EFCAB6: variants seen among roughly 807,000 people sequenced by gnomAD.
EFCAB6 encodes EF-hand calcium binding domain 6, also known as EF-hand calcium-binding domain-containing protein 6.
Under a neutral mutation model 169.8 loss-of-function variants are expected in EFCAB6, and 156 were observed. The ratio of observed to expected loss-of-function variants is 0.92; its 90% CI spans 0.81 to 1.05. EFCAB6 has a LOEUF of 1.05. Among genes scored for constraint, EFCAB6 ranks in the 50% least tolerant of loss-of-function variants. The probability of loss-of-function intolerance (pLI) is 0.00; values close to 1 mark genes in which losing one functional copy is unlikely to be tolerated. For synonymous variants in EFCAB6, 698 were observed against 676.4 expected (o/e 1.03, Z -0.50); for missense variants, 1,800 against 1,829.1 (o/e 0.98, Z 0.29).
In EFCAB6 at chr22:43,636,341, G is replaced by A. The variant is rs535364016; in HGVS notation, c.1984-1125C>T. Among the ~76,000 whole-genome samples, 18 of 152,276 alleles carry A rather than the reference G, an allele frequency of 1.2e-4. 1 individual carries two copies. Among genetic ancestry groups the A allele is most frequent in the African/African-American group, 3.4e-4 (14 of 41,562 alleles). On this transcript the variant is annotated intron_variant, in intron 17 of 31. Coordinates refer to ENST00000262726, the MANE Select transcript of EFCAB6 (RefSeq NM_022785.4). Reference sequence around the variant, plus strand: ...CGGAAGAGGCGGCTGGGGAGGGAACGGAGGGACCAGGTAAGGCCGTGCTGC... The same window carrying A: ...CGGAAGAGGCGGCTGGGGAGGGAACAGAGGGACCAGGTAAGGCCGTGCTGC...
At chr22:43,547,590 A>G (rs546660366) in intron 27 of EFCAB6, among the ~76,000 whole-genome samples, 1 of 151,904 alleles carries the variant, frequency 6.6e-6, no homozygotes, top group South Asian at 2.1e-4. Context: ...AAACCAACCA[A>G]TCAACCAACC....
At chr22:43,812,141 G>A (rs1443584957) in intron 1 of EFCAB6, 27 bp downstream of exon 1, 2 of 147,316 alleles carry the variant, frequency 1.4e-5, no homozygotes, top group Admixed American at 6.7e-5. Context: ...TGTCGCACGC[G>A]CGTGGCCACC....
chr22:43,735,259 G>A (rs1037872675), intron 7 of EFCAB6, among the ~76,000 whole-genome samples: 1 of 151,998 alleles, frequency 6.6e-6, no homozygotes, highest in African/African-American at 2.4e-5. Flanking sequence ...TGGTGGTGGC[G>A]TTCAAACACC....
At chr22:43,573,318 C>T (rs569988661) in intron 26 of EFCAB6, among the ~76,000 whole-genome samples, 129 of 152,120 alleles carry the variant, frequency 8.5e-4, no homozygotes, top group Middle Eastern at 6.8e-3. Flanking sequence ...GCATATGTTA[C>T]ACTTTGATAC....
intron 18 of EFCAB6, among the ~76,000 whole-genome samples, chr22:43,634,896 C>G (rs2055265166): frequency 1.3e-5 from 2 of 152,202 alleles, no homozygotes; most frequent in South Asian, 4.1e-4. Context: ...GTAGAAGACT[C>G]TTTCAGGCAA....
intron 26 of EFCAB6, among the ~76,000 whole-genome samples, chr22:43,560,898 C>T (rs2048986854): frequency 3.3e-5 from 5 of 152,246 alleles, no homozygotes; most frequent in Middle Eastern, 3.4e-3. Flanking sequence ...AGGCAGGGGA[C>T]GGACACAGGT....
intron 26 of EFCAB6, among the ~76,000 whole-genome samples, chr22:43,561,312 G>A (rs1207341174): frequency 3.3e-5 from 5 of 150,800 alleles, no homozygotes; most frequent in Non-Finnish European, 5.9e-5. Flanking sequence ...AGCCGAGATC[G>A]TGCTACTGCA....
chr22:43,632,059 G>A, intron 19 of EFCAB6, 46 bp downstream of exon 19: 1 of 1,603,082 alleles, frequency 6.2e-7, no homozygotes. Flanking sequence ...GTGGTTGGGA[G>A]CAGGGGAGGC....
intron 9 of EFCAB6, among the ~76,000 whole-genome samples, chr22:43,712,684 A>G (rs916620482): frequency 6.6e-6 from 1 of 152,190 alleles, no homozygotes; most frequent in African/African-American, 2.4e-5. Context: ...GAAGACTTGG[A>G]GAGAGAAGCA....
intron 9 of EFCAB6, among the ~76,000 whole-genome samples, chr22:43,712,810 G>A (rs889185383): frequency 4.6e-5 from 7 of 152,068 alleles, no homozygotes; most frequent in Admixed American, 1.3e-4. Context: ...TCAGGAGAGT[G>A]TTTCTGCGAT....
At chr22:43,632,564 T>G (rs1179320167) in intron 18 of EFCAB6, among the ~76,000 whole-genome samples, 1 of 152,202 alleles carries the variant, frequency 6.6e-6, no homozygotes, top group Admixed American at 6.5e-5. Context: ...CCTCCCAAAG[T>G]GCTGGGATTA....
Position 43,576,448 on chromosome 22 carries a change from T to C in EFCAB6, c.3269A>G (p.Lys1090Arg). The C allele has an allele frequency of 6.3e-7, 1 of 1,591,390 alleles. No individual in the cohort carries two copies. Among genetic ancestry groups the C allele is most frequent in the Non-Finnish European group, 8.5e-7 (1 of 1,173,414 alleles). Reference sequence around the variant, plus strand: ...AAGAACTTGTCCGAATTCTGTAGCCTTTACAAATCCTGTATCCTCTTTATC... The same window carrying C: ...AAGAACTTGTCCGAATTCTGTAGCCCTTACAAATCCTGTATCCTCTTTATC... ...ALDKEDTGFV[K>R]ATEFGQVLKD... is the part of the protein sequence containing the mutation. The change falls in exon 26 of 32, where the codon AAG becomes AGG. Residue 1090 changes from lysine to arginine, a missense_variant. Physicochemically the swap from Lys to Arg is conservative, Grantham distance 26. Transcript: ENST00000262726.
At chr22:43,626,766 C>T in intron 19 of EFCAB6, 87 bp from the exon 20 acceptor site, 1 of 1,268,976 alleles carries the variant, frequency 7.9e-7, no homozygotes, top group East Asian at 2.3e-5. Flanking sequence ...AGCCTCATCT[C>T]CACGCGAGGA....
chr22:43,694,423 C>T (rs1463682836), intron 10 of EFCAB6, among the ~76,000 whole-genome samples: 2 of 151,940 alleles, frequency 1.3e-5, no homozygotes, highest in East Asian at 3.9e-4. Context: ...AAGCAGAGTT[C>T]AGGAAGGAAA....
At position 43,735,553 on chromosome 22, in the gene EFCAB6, T is replaced by C. The variant is rs1012828196; in HGVS notation, c.644+304A>G. On this transcript the variant is annotated intron_variant, in intron 7 of 31. Transcript: ENST00000262726. Reference sequence around the variant, plus strand: ...ATGGGGGGGCGGGCACAGTGCCAAGTGGGGAAAGAGACAATTGGTGATGGA... The same window carrying C: ...ATGGGGGGGCGGGCACAGTGCCAAGCGGGGAAAGAGACAATTGGTGATGGA... Among the ~76,000 whole-genome samples, 8 of 151,980 alleles carry C rather than the reference T, an allele frequency of 5.3e-5. 1 individual carries two copies. The highest frequency in any genetic ancestry group is 1.9e-4 in the African/African-American group (8 of 41,448).
intron 22 of EFCAB6, among the ~76,000 whole-genome samples, chr22:43,601,009 A>C (rs2052477764): frequency 6.6e-6 from 1 of 152,238 alleles, no homozygotes; most frequent in East Asian, 1.9e-4. Flanking sequence ...GAAAGGAATT[A>C]TGCTAAGGTT....
chr22:43,580,407 G>C, intron 25 of EFCAB6, 57 bp downstream of exon 25: 2 of 1,573,878 alleles, frequency 1.3e-6, no homozygotes. Flanking sequence ...GGGGCTGAGA[G>C]GTGTTTTCAT....
At chr22:43,630,375 A>G (rs187916374) in intron 19 of EFCAB6, among the ~76,000 whole-genome samples, 7 of 152,032 alleles carry the variant, frequency 4.6e-5, no homozygotes, top group Admixed American at 2.0e-4. Flanking sequence ...TGTTGAATGA[A>G]TTCATTATTT....
intron 8 of EFCAB6, among the ~76,000 whole-genome samples, chr22:43,718,236 AGAG>A (rs2059402928): frequency 6.6e-6 from 1 of 152,248 alleles, no homozygotes; most frequent in Non-Finnish European, 1.5e-5. Flanking sequence ...TTATAATAAA[AGAG>A]AATGAAATAA....
Sources: allele counts gnomAD v4.1 joint callset (sites outside exome capture counted in the v4.1 genomes callset), GRCh38; gene constraint gnomAD v4.1.1; transcripts MANE v1.5; gene names NCBI Gene and HGNC (gene_info 2026-07-23, HGNC 2026-07-21).